Variants in CAST observed in about 807,000 individuals in gnomAD.
CAST encodes calpastatin.
A neutral mutation model predicts 119.6 loss-of-function variants in CAST; 76 were observed. The observed-to-expected ratio is 0.64, with a 90% CI of 0.53 to 0.77. The LOEUF (loss-of-function observed/expected upper bound fraction) is 0.77. Ranked by LOEUF, CAST falls within the 30% of genes least tolerant of loss-of-function variation. CAST has a pLI of 0.00. For missense variants in CAST, 953 were observed against 946.5 expected, an observed-to-expected ratio of 1.01 and a Z score of -0.09; for synonymous variants, 319 against 331.6, an observed-to-expected ratio of 0.96 and a Z score of 0.41.
At chr5:96,549,485 A>G (rs1228058097) in intron 1 of CAST, among the ~76,000 whole-genome samples, 1 of 152,222 alleles carries the variant, frequency 6.6e-6, no homozygotes, top group African/African-American at 2.4e-5. Context: ...GACACAGAAG[A>G]TGGGTGATTT....
the CAST span, among the ~76,000 whole-genome samples, chr5:96,370,832 G>A: frequency 4.0e-4 from 61 of 152,180 alleles, 1 homozygote; most frequent in Non-Finnish European, 4.9e-4. Context: ...TATTTTGCCC[G>A]TAGAGAAACT....
the CAST span, among the ~76,000 whole-genome samples, chr5:96,282,892 G>A: frequency 4.6e-5 from 7 of 151,938 alleles, no homozygotes; most frequent in African/African-American, 7.3e-5. Context: ...CACTTTGGGA[G>A]GCCGAGGCGG....
the CAST span, chr5:96,397,229 G>T: frequency 1.1e-6 from 1 of 921,000 alleles, no homozygotes; most frequent in Non-Finnish European, 1.8e-6. Flanking sequence ...CTACTAAGAA[G>T]GGGTACAATT....
chr5:95,990,412 T>C, the CAST span, among the ~76,000 whole-genome samples: 1 of 152,066 alleles, frequency 6.6e-6, no homozygotes, highest in Non-Finnish European at 1.5e-5. Flanking sequence ...GTTTTTTCTT[T>C]TCTGGATCAA....
At position 96,741,253 on chromosome 5, in the gene CAST, C is replaced by G; in HGVS notation, c.919-13C>G. ...TTCCCGTAAGTTACCCATCACTGTG[C>G]CTGTTTCTTTAGAAACCCATAGGGC... is the stretch of plus-strand genomic sequence containing the variant. On this transcript the variant is annotated splice_polypyrimidine_tract_variant and intron_variant, in intron 13 of 31. Transcript: ENST00000675179. 1 of 1,521,580 alleles carries G rather than the reference C, an allele frequency of 6.6e-7. No individual in the cohort carries two copies. Among genetic ancestry groups the G allele is most frequent in the Non-Finnish European group, 9.1e-7 (1 of 1,097,620 alleles). 94.3% of individuals were successfully genotyped at this position (1,521,580 alleles called of 1,614,324 possible).
chr5:96,585,576 T>G (rs964437130), intron 1 of CAST, among the ~76,000 whole-genome samples: 1 of 152,164 alleles, frequency 6.6e-6, no homozygotes, highest in African/African-American at 2.4e-5. Flanking sequence ...AAGCAATATG[T>G]GTTTAGAATG....
chr5:96,743,667 C>T (rs571475869), intron 16 of CAST: 52 of 1,613,012 alleles, frequency 3.2e-5, no homozygotes, highest in East Asian at 2.5e-4. Flanking sequence ...GAGGGCTCAC[C>T]GGCCACAGTG....
At chr5:96,145,791 C>T in the CAST span, among the ~76,000 whole-genome samples, 2 of 152,334 alleles carry the variant, frequency 1.3e-5, no homozygotes, top group Admixed American at 6.5e-5. Context: ...TCTGGGCTGA[C>T]TGTGTTCAAC....
chr5:96,091,778 A>T, the CAST span, among the ~76,000 whole-genome samples: 1,073 of 152,298 alleles, frequency 7.0e-3, 9 homozygotes, highest in African/African-American at 0.025. Context: ...TGCTGGGATT[A>T]CAGGCATGAG....
chr5:96,375,903 A>C, the CAST span, among the ~76,000 whole-genome samples: 2,727 of 147,026 alleles, frequency 0.019, 37 homozygotes, highest in African/African-American at 0.041. Context: ...CTCTCTCTAT[A>C]TATATATATA....
chr5:96,363,918 A>C, the CAST span, among the ~76,000 whole-genome samples: 1 of 152,214 alleles, frequency 6.6e-6, no homozygotes, highest in African/African-American at 2.4e-5. Context: ...GCCAGTTTTC[A>C]AAGCAAATGC....
intron 21 of CAST, 47 bp downstream of exon 21, chr5:96,754,208 C>A: frequency 9.3e-7 from 1 of 1,071,742 alleles, no homozygotes; most frequent in Non-Finnish European, 1.5e-6. Flanking sequence ...CATTGATCAC[C>A]TTCTCCCCCT....
the CAST span, among the ~76,000 whole-genome samples, chr5:95,985,752 T>TTTAGGG: frequency 6.6e-6 from 1 of 152,212 alleles, no homozygotes; most frequent in Non-Finnish European, 1.5e-5. Context: ...ACTTTAATGT[T>TTTAGGG]CTATTTAATA....
chr5:96,597,942 GGGA>G (rs1747082814), intron 1 of CAST, among the ~76,000 whole-genome samples: 1 of 151,544 alleles, frequency 6.6e-6, no homozygotes, highest in Admixed American at 6.6e-5. Context: ...AAAAGAAGGG[GGGA>G]GGGGGAGAGG....
At chr5:96,157,244 A>G in the CAST span, among the ~76,000 whole-genome samples, 2 of 152,210 alleles carry the variant, frequency 1.3e-5, no homozygotes, top group African/African-American at 4.8e-5. Context: ...CTGTGTGATC[A>G]CTAGCAAGCC....
At chr5:96,528,037 C>T (rs1475389934), upstream of CAST, among the ~76,000 whole-genome samples, 2 of 152,122 alleles carry the variant, frequency 1.3e-5, no homozygotes, top group Non-Finnish European at 2.9e-5. Context: ...TGTATGTTGC[C>T]ACAGTTTTAA....
At chr5:96,403,672 A>G in the CAST span, among the ~76,000 whole-genome samples, 1 of 152,248 alleles carries the variant, frequency 6.6e-6, no homozygotes, top group Non-Finnish European at 1.5e-5. Flanking sequence ...GCTTCTAATT[A>G]GAAGAGATGT....
chr5:96,301,017 A>G, the CAST span, among the ~76,000 whole-genome samples: 1 of 152,164 alleles, frequency 6.6e-6, no homozygotes, highest in Non-Finnish European at 1.5e-5. Flanking sequence ...ATTGCTATAA[A>G]GAACTACCTG....
chr5:96,304,078 C>A, the CAST span, among the ~76,000 whole-genome samples: 2 of 152,130 alleles, frequency 1.3e-5, no homozygotes, highest in African/African-American at 4.8e-5. Context: ...AGTGTAAAAG[C>A]GTTCCTATTT....
Sources: gnomAD v4.1 joint callset for allele counts (sites outside exome capture counted in the v4.1 genomes callset) on GRCh38, gnomAD v4.1.1 for gene constraint, MANE v1.5 for transcripts, NCBI Gene and HGNC (gene_info 2026-07-23, HGNC 2026-07-21) for gene names.